Variants in OPN5 observed in about 807,000 individuals in gnomAD.
OPN5 encodes the protein opsin 5, also known as opsin-5.
In OPN5, 18 loss-of-function variants were observed where a neutral mutation model predicts 41.7. That is an observed-to-expected ratio of 0.43 (90% CI 0.30 to 0.64). OPN5 has a LOEUF of 0.64. OPN5 is among the 30% of genes least tolerant of loss of function. The pLI, the probability that OPN5 is intolerant of heterozygous loss-of-function variation, is 0.13. For missense variants in OPN5, 318 were observed against 434.5 expected (o/e 0.73, Z 2.38); for synonymous variants, 178 against 164.3 (o/e 1.08, Z -0.64).
At chr6:47,795,329 C>T (rs148347315) in exon 4 of OPN5, 227 of 1,614,114 alleles carry the variant, frequency 1.4e-4, no homozygotes, top group Non-Finnish European at 1.8e-4. Context: ...TGGGGGACTA[C>T]GTACCTGAGC....
chr6:47,797,123 G>C, intron 4 of OPN5, among the ~76,000 whole-genome samples: 1 of 152,136 alleles, frequency 6.6e-6, no homozygotes, highest in Middle Eastern at 3.2e-3. Flanking sequence ...TGAGCATTAT[G>C]GGAGCTACAA....
chr6:47,783,748 G>C (rs1001475730), intron 1 of OPN5, among the ~76,000 whole-genome samples: 1 of 152,120 alleles, frequency 6.6e-6, no homozygotes, highest in Non-Finnish European at 1.5e-5. Flanking sequence ...AACAGAAACT[G>C]TCTTATCTCT....
chr6:47,782,090 G>T (rs748255575), exon 1 of OPN5: 4 of 1,613,674 alleles, frequency 2.5e-6, no homozygotes, highest in Non-Finnish European at 3.4e-6. Context: ...ACACTGCCCT[G>T]CCTCAGGACG....
chr6:47,802,916 T>C (rs1247761861), intron 4 of OPN5, among the ~76,000 whole-genome samples: 1 of 152,146 alleles, frequency 6.6e-6, no homozygotes, highest in Non-Finnish European at 1.5e-5. Flanking sequence ...TTCGAGAAAA[T>C]TGCAATTGGG....
chr6:47,811,152 T>C (rs995080120), intron 5 of OPN5, among the ~76,000 whole-genome samples: 11 of 152,036 alleles, frequency 7.2e-5, no homozygotes, highest in Non-Finnish European at 1.3e-4. Context: ...CTATCTCAAA[T>C]GGAGAAGAAA....
At chr6:47,795,698 T>C (rs1354276924) in intron 4 of OPN5, 135 bp downstream of exon 4, 7 of 639,132 alleles carry the variant, frequency 1.1e-5, no homozygotes. Context: ...TCGTTGATGA[T>C]TGTCTAAGCC....
intron 4 of OPN5, among the ~76,000 whole-genome samples, chr6:47,800,788 A>C (rs1298445695): frequency 1.3e-5 from 2 of 152,220 alleles, no homozygotes; most frequent in Non-Finnish European, 2.9e-5. Context: ...AGCTCAGTTC[A>C]CTGTTGTAGT....
chr6:47,784,207 A>T (rs756811881), intron 1 of OPN5, among the ~76,000 whole-genome samples: 5 of 151,986 alleles, frequency 3.3e-5, no homozygotes, highest in Non-Finnish European at 7.4e-5. Context: ...GGTCGACTGG[A>T]GGGGTTTGGA....
intron 6 of OPN5, among the ~76,000 whole-genome samples, chr6:47,813,144 G>A (rs1052534224): frequency 1.3e-5 from 2 of 152,114 alleles, no homozygotes; most frequent in Admixed American, 1.3e-4. Flanking sequence ...GCTTATGCCT[G>A]CATATCAAAG....
At chr6:47,814,954 G>A (rs777772959) in intron 6 of OPN5, among the ~76,000 whole-genome samples, 20 of 152,178 alleles carry the variant, frequency 1.3e-4, no homozygotes, top group African/African-American at 4.1e-4. Context: ...GGAAACATGA[G>A]CTAGAGTATT....
At chr6:47,814,773 T>C (rs1762378859) in intron 6 of OPN5, among the ~76,000 whole-genome samples, 1 of 152,184 alleles carries the variant, frequency 6.6e-6, no homozygotes, top group Non-Finnish European at 1.5e-5. Context: ...TTAGAAAAGA[T>C]ATATTGCATT....
At chr6:47,822,750 T>A (rs867424314) in intron 6 of OPN5, among the ~76,000 whole-genome samples, 11 of 152,222 alleles carry the variant, frequency 7.2e-5, no homozygotes, top group Admixed American at 3.9e-4. Flanking sequence ...TGAGAGCTAA[T>A]AAAAATTTGT....
At chr6:47,804,081 C>G (rs1300961466) in intron 4 of OPN5, among the ~76,000 whole-genome samples, 2 of 152,210 alleles carry the variant, frequency 1.3e-5, no homozygotes, top group Non-Finnish European at 2.9e-5. Context: ...ATGGACAACA[C>G]TGCTTTTGTG....
At chr6:47,807,105 C>A (rs1773999004) in intron 4 of OPN5, among the ~76,000 whole-genome samples, 1 of 152,152 alleles carries the variant, frequency 6.6e-6, no homozygotes, top group Admixed American at 6.5e-5. Flanking sequence ...TGCAGTGAAC[C>A]AAGATTGCGC....
intron 6 of OPN5, 61 bp from the exon 7 acceptor site, chr6:47,823,922 G>T: frequency 3.6e-5 from 47 of 1,323,152 alleles, no homozygotes; most frequent in Non-Finnish European, 4.9e-5. Context: ...TTTAGTTTTG[G>T]ACTTTCTCCA....
intron 2 of OPN5, chr6:47,787,067 C>T: frequency 1.0e-6 from 1 of 985,716 alleles, no homozygotes; most frequent in Non-Finnish European, 1.2e-6. Flanking sequence ...CAGTTGAAGA[C>T]AGTTGAAGGC....
intron 6 of OPN5, among the ~76,000 whole-genome samples, chr6:47,818,887 G>A (rs893465877): frequency 5.3e-5 from 8 of 152,134 alleles, no homozygotes; most frequent in Admixed American, 5.2e-4. Context: ...GTGGAAGGGA[G>A]AGGGAGAGTG....
At chr6:47,813,757 A>T (rs1016029278) in intron 6 of OPN5, among the ~76,000 whole-genome samples, 1 of 152,128 alleles carries the variant, frequency 6.6e-6, no homozygotes, top group Non-Finnish European at 1.5e-5. Flanking sequence ...AAAAATGAAG[A>T]TGAAAATTTA....
At chr6:47,813,769 G>T (rs773391487) in intron 6 of OPN5, among the ~76,000 whole-genome samples, 1 of 151,970 alleles carries the variant, frequency 6.6e-6, no homozygotes, top group Non-Finnish European at 1.5e-5. Context: ...GAAAATTTAG[G>T]TTTAAAATAT....
Sources: allele counts gnomAD v4.1 joint callset (sites outside exome capture counted in the v4.1 genomes callset), GRCh38; gene constraint gnomAD v4.1.1; transcripts MANE v1.5; gene names NCBI Gene and HGNC (gene_info 2026-07-23, HGNC 2026-07-21).